Variants in FGF14 observed in about 807,000 individuals in gnomAD.
FGF14 encodes the protein fibroblast growth factor 14, also known as fibroblast growth factor homologous factor 4.
A neutral mutation model predicts 25.5 loss-of-function variants in FGF14; 5 were observed. That is an observed-to-expected ratio of 0.20 (90% CI 0.10 to 0.41). FGF14 has a LOEUF of 0.41. Among genes scored for constraint, FGF14 ranks in the 10% least tolerant of loss-of-function variants. The probability of loss-of-function intolerance (pLI) is 1.00; values close to 1 mark genes in which losing one functional copy is unlikely to be tolerated. For synonymous variants in FGF14, 138 were observed against 118.3 expected (o/e 1.17, Z -1.08); for missense variants, 222 against 320.1 (o/e 0.69, Z 2.34).
chr13:101,764,089 C>A (rs2038226604), intron 3 of FGF14, among the ~76,000 whole-genome samples: 1 of 152,152 alleles, frequency 6.6e-6, no homozygotes, highest in African/African-American at 2.4e-5. Flanking sequence ...CCCTGGGGCA[C>A]AGGGATCCAT....
At chr13:102,058,698 T>G (rs1240382981) in intron 1 of FGF14, among the ~76,000 whole-genome samples, 1 of 152,198 alleles carries the variant, frequency 6.6e-6, no homozygotes, top group Non-Finnish European at 1.5e-5. Flanking sequence ...ACCTAGTTTG[T>G]AATTTTCTCT....
At chr13:101,974,575 A>G (rs1022874890) in intron 1 of FGF14, among the ~76,000 whole-genome samples, 1 of 152,188 alleles carries the variant, frequency 6.6e-6, no homozygotes, top group African/African-American at 2.4e-5. Flanking sequence ...TCTGAAACAG[A>G]GCTACCACAT....
chr13:102,266,057 A>C (rs951860337), intron 1 of FGF14, among the ~76,000 whole-genome samples: 10 of 152,110 alleles, frequency 6.6e-5, no homozygotes, highest in Admixed American at 1.3e-4. Context: ...TACCAATACA[A>C]AATGAGAGAA....
intron 1 of FGF14, among the ~76,000 whole-genome samples, chr13:102,372,873 T>C (rs1002264230): frequency 6.6e-6 from 1 of 152,174 alleles, no homozygotes; most frequent in Admixed American, 6.6e-5. Context: ...ATTACTACTA[T>C]AAATCTTCAT....
chr13:102,319,573 C>T (rs980025552), intron 1 of FGF14, among the ~76,000 whole-genome samples: 1 of 152,230 alleles, frequency 6.6e-6, no homozygotes, highest in Admixed American at 6.5e-5. Flanking sequence ...ACAATAACAA[C>T]TTTGTTGTCA....
At chr13:101,873,070 G>A (rs2045202470) in intron 2 of FGF14, among the ~76,000 whole-genome samples, 1 of 151,900 alleles carries the variant, frequency 6.6e-6, no homozygotes, top group Non-Finnish European at 1.5e-5. Flanking sequence ...AAGGTGGAGT[G>A]TTTTTTAGTA....
At chr13:102,251,216 C>T (rs1336720) in intron 1 of FGF14, among the ~76,000 whole-genome samples, 123,277 of 152,146 alleles carry the variant, frequency 0.81, 50,619 homozygotes, top group African/African-American at 0.95. Context: ...CTGGGAACTA[C>T]GGAGATAGAG....
intron 1 of FGF14, among the ~76,000 whole-genome samples, chr13:102,341,950 T>C (rs1247645617): frequency 6.6e-6 from 1 of 152,160 alleles, no homozygotes. Flanking sequence ...AAACTGAACC[T>C]ACTTGATATG....
chr13:101,977,809 A>G (rs57990534), intron 1 of FGF14, among the ~76,000 whole-genome samples: 2,047 of 152,316 alleles, frequency 0.013, 50 homozygotes, highest in African/African-American at 0.046. Flanking sequence ...ATGTGTGCCA[A>G]TAAACTCCCA....
intron 1 of FGF14, among the ~76,000 whole-genome samples, chr13:102,163,783 TG>T (rs1345981554): frequency 1.3e-5 from 2 of 152,000 alleles, no homozygotes; most frequent in Non-Finnish European, 2.9e-5. Flanking sequence ...ATACACAGAA[TG>T]GGAAGTCTCT....
chr13:102,397,050 C>CA (rs1191001860), intron 1 of FGF14, among the ~76,000 whole-genome samples: 1 of 152,136 alleles, frequency 6.6e-6, no homozygotes, highest in East Asian at 1.9e-4. Context: ...GAAATATACT[C>CA]AGTGTTTAGA....
rs149318598 is a variant in FGF14 at position 102,061,098 on chromosome 13, A to G, written c.209-185802T>C. 4.4e-3 allele frequency among the ~76,000 whole-genome samples: 677 copies of G among 152,276 alleles called. 1 individual carries two copies. Among genetic ancestry groups the G allele is most frequent in the Middle Eastern group, 6.8e-3 (2 of 294 alleles). ...CCATCCCCATGCTGGCTCCACATCC[A>G]TCGGCTGAGAGCTACTTCCACCACT... is the stretch of plus-strand genomic sequence containing the variant. On this transcript the variant is annotated intron_variant, in intron 1 of 4. Transcript: ENST00000376131.
intron 1 of FGF14, among the ~76,000 whole-genome samples, chr13:102,160,733 G>C (rs192844337): frequency 6.6e-6 from 1 of 152,060 alleles, no homozygotes; most frequent in Non-Finnish European, 1.5e-5. Context: ...CCTAGAATAG[G>C]ATAAAGGAGA....
intron 3 of FGF14, among the ~76,000 whole-genome samples, chr13:101,810,428 A>T (rs1167326687): frequency 6.6e-6 from 1 of 152,222 alleles, no homozygotes; most frequent in East Asian, 1.9e-4. Context: ...CATCATGAGG[A>T]TAATACCATA....
chr13:101,727,900 A>G (rs1038225159), intron 3 of FGF14, among the ~76,000 whole-genome samples: 1 of 152,146 alleles, frequency 6.6e-6, no homozygotes, highest in African/African-American at 2.4e-5. Context: ...CCACTGGACT[A>G]AAAAATATAC....
intron 1 of FGF14, among the ~76,000 whole-genome samples, chr13:102,049,480 TAGG>T (rs2042127288): frequency 6.6e-6 from 1 of 152,158 alleles, no homozygotes; most frequent in Non-Finnish European, 1.5e-5. Context: ...AACAAAAAAA[TAGG>T]AGACAGAATT....
At chr13:101,764,939 C>A (rs1447521874) in intron 3 of FGF14, among the ~76,000 whole-genome samples, 1 of 152,128 alleles carries the variant, frequency 6.6e-6, no homozygotes, top group East Asian at 1.9e-4. Flanking sequence ...GGGTTGAATA[C>A]GAAAATCACT....
Position 101,720,724 on chromosome 13 carries a change from A to ATATT in FGF14, c.*2103_*2106dup, listed in dbSNP as rs774548343. The ATATT allele has an allele frequency of 6.6e-6, 1 of 150,944 alleles. No homozygotes were observed. The highest frequency in any genetic ancestry group is 2.5e-5 in the African/African-American group (1 of 40,242). 9.4% of individuals were successfully genotyped at this position (150,944 alleles called of 1,614,324 possible). A position where few individuals can be genotyped will look rare whatever the true frequency, so the allele number is the denominator to read the frequency against. On this transcript the variant is annotated 3_prime_UTR_variant, in exon 5 of 5. Transcript: ENST00000376143. Reference sequence around the variant, plus strand: ...AATTGGTTAATGGAAGTTATCTAATATATTTTAACTGTTCCTGTTAAAAAC... The same window carrying ATATT: ...AATTGGTTAATGGAAGTTATCTAATATATTTATTTTAACTGTTCCTGTTAAAAAC...
chr13:101,977,258 T>C (rs1320012885), intron 1 of FGF14, among the ~76,000 whole-genome samples: 1 of 152,152 alleles, frequency 6.6e-6, no homozygotes, highest in Admixed American at 6.5e-5. Flanking sequence ...ACTTCATATG[T>C]GAGATTCCTA....
Sources: allele counts gnomAD v4.1 joint callset (sites outside exome capture counted in the v4.1 genomes callset), GRCh38; gene constraint gnomAD v4.1.1; transcripts MANE v1.5; gene names NCBI Gene and HGNC (gene_info 2026-07-23, HGNC 2026-07-21).